The following DRGX variants were observed in gnomAD, a reference collection of about 807,000 sequenced individuals.
The protein encoded by DRGX is dorsal root ganglia homeobox, also known as dorsal root ganglia homeobox protein.
A neutral mutation model predicts 28.6 loss-of-function variants in DRGX; 21 were observed. That is an observed-to-expected ratio of 0.73 (90% CI 0.52 to 1.06). The LOEUF (loss-of-function observed/expected upper bound fraction) is 1.06. Ranked by LOEUF, DRGX falls within the 50% of genes least tolerant of loss-of-function variation. The pLI, the probability that DRGX is intolerant of heterozygous loss-of-function variation, is 0.00. For missense variants in DRGX, 354 were observed against 343.9 expected, an observed-to-expected ratio of 1.03 and a Z score of -0.23; for synonymous variants, 136 against 139.1, an observed-to-expected ratio of 0.98 and a Z score of 0.16.
intron 6 of DRGX, among the ~76,000 whole-genome samples, chr10:49,373,654 C>T (rs1189942643): frequency 6.6e-6 from 1 of 152,180 alleles, no homozygotes; most frequent in South Asian, 2.1e-4. Context: ...ATCCAGTGCC[C>T]TCACAAGACA....
chr10:49,366,191 C>A lies in DRGX; in HGVS notation c.717G>T (p.Lys239Asn). The change falls in exon 7 of 7, where the codon AAG becomes AAT. Residue 239 changes from lysine to asparagine, a missense_variant. Coordinates refer to ENST00000374139, the MANE Select transcript of DRGX (RefSeq NM_001276451.2). ...STSSSPGPVAKPAPPDGSQEK... is the reference protein window; with the variant it reads ...STSSSPGPVANPAPPDGSQEK... ...CCTGGCTGCCATCTGGGGGCGCCGG[C>A]TTGGCGACAGGGCCGGGGCTGCTGC... 6.2e-7 allele frequency: 1 copy of A among 1,613,348 alleles called. No individual in the cohort carries two copies. The highest frequency in any genetic ancestry group is 8.5e-7 in the Non-Finnish European group (1 of 1,179,578).
intron 2 of DRGX, among the ~76,000 whole-genome samples, chr10:49,394,100 C>T (rs540082004): frequency 2.6e-5 from 4 of 152,264 alleles, no homozygotes; most frequent in African/African-American, 7.2e-5. Flanking sequence ...AGGGGATGCA[C>T]GTCTCCCACC....
chr10:49,376,772 T>A (rs552663478), intron 6 of DRGX, among the ~76,000 whole-genome samples: 1 of 152,290 alleles, frequency 6.6e-6, no homozygotes, highest in Admixed American at 6.5e-5. Flanking sequence ...TGTTTCTCTC[T>A]GCCTGGGGGA....
chr10:49,387,073 T>A (rs1288171276), intron 4 of DRGX, among the ~76,000 whole-genome samples: 1 of 152,202 alleles, frequency 6.6e-6, no homozygotes, highest in East Asian at 1.9e-4. Context: ...ATGGAAAGTA[T>A]CCGAATGCCC....
rs1466092044 is a variant in DRGX, at chr10:49,390,136, C to A, written c.231G>T (p.Val77=). ...AMKINLTEAR[V]QVWFQNRRAK... ...AATAATTAAAAAGAAGGTTTACCTGCACTCTGGCTTCTGTGAGGTTTATTT... is the reference window on the plus strand; with the variant it reads ...AATAATTAAAAAGAAGGTTTACCTGAACTCTGGCTTCTGTGAGGTTTATTT... Residue 77 remains valine (V), a synonymous_variant, in exon 4 of 7, where the codon GTG becomes GTT. Coordinates refer to ENST00000374139, the MANE Select transcript of DRGX (RefSeq NM_001276451.2). 1 of 1,609,014 alleles carries A rather than the reference C, an allele frequency of 6.2e-7. No homozygotes were observed. The highest frequency in any genetic ancestry group is 1.3e-5 in the African/African-American group (1 of 74,806).
In DRGX at chr10:49,365,957, G is replaced by T; in HGVS notation, c.*159C>A. 3.6e-6 allele frequency: 3 copies of T among 826,470 alleles called. No homozygotes were observed. The highest frequency in any genetic ancestry group is 5.2e-6 in the Non-Finnish European group (3 of 579,470). 51.2% of individuals were successfully genotyped at this position (826,470 alleles called of 1,614,324 possible). On this transcript the variant is annotated 3_prime_UTR_variant, in exon 7 of 7. Transcript: ENST00000374139. ...GTGGGACTCCAGAGGGACGCTCCAG[G>T]TGCCAAGGGAGCTGTGGGTCTCACT...
chr10:49,387,178 G>T (rs1241977886), intron 4 of DRGX, among the ~76,000 whole-genome samples: 4 of 152,194 alleles, frequency 2.6e-5, no homozygotes, highest in Non-Finnish European at 5.9e-5. Flanking sequence ...CCTACTGGAG[G>T]TGGAGGATCA....
chr10:49,389,450 C>T (rs950360147), intron 4 of DRGX, among the ~76,000 whole-genome samples: 3 of 152,164 alleles, frequency 2.0e-5, no homozygotes, highest in African/African-American at 7.2e-5. Context: ...GAATAGCTCG[C>T]CCAGAGAGGC....
chr10:49,381,119 A>T (rs996506300), intron 6 of DRGX, among the ~76,000 whole-genome samples: 3 of 152,230 alleles, frequency 2.0e-5, no homozygotes, highest in Non-Finnish European at 4.4e-5. Flanking sequence ...CCACTGTGCT[A>T]GTCAGCTGCT....
rs576663852 is a variant in DRGX at position 49,382,626 on chromosome 10, G to A, written c.526+3852C>T. 2.0e-5 allele frequency among the ~76,000 whole-genome samples: 3 copies of A among 152,294 alleles called. No individual in the cohort carries two copies. The South Asian group carries it at 6.2e-4, about 32-fold the overall frequency. On this transcript the variant is annotated intron_variant, in intron 6 of 6. Transcript: ENST00000374139. ...AAACCTAAGAGAAGGAGAAGACTGG[G>A]CTGCAAGAGTCAGAAAGCTGTGCTG...
chr10:49,376,287 T>A (rs1293525728), intron 6 of DRGX, among the ~76,000 whole-genome samples: 2 of 152,202 alleles, frequency 1.3e-5, no homozygotes, highest in Non-Finnish European at 2.9e-5. Flanking sequence ...CAGCTAGGCA[T>A]GGAGGAGCCA....
chr10:49,388,931 C>T (rs117273527), intron 4 of DRGX, among the ~76,000 whole-genome samples: 74 of 152,290 alleles, frequency 4.9e-4, no homozygotes, highest in Admixed American at 1.0e-3. Flanking sequence ...CAACAATTCC[C>T]GGCTTTAATT....
At chr10:49,378,734 C>T (rs1427550453) in intron 6 of DRGX, among the ~76,000 whole-genome samples, 1 of 152,176 alleles carries the variant, frequency 6.6e-6, no homozygotes, top group African/African-American at 2.4e-5. Context: ...TATAGACATG[C>T]TTGTGTACCT....
intron 6 of DRGX, among the ~76,000 whole-genome samples, chr10:49,368,865 T>C (rs1376152929): frequency 6.6e-6 from 1 of 152,258 alleles, no homozygotes; most frequent in Non-Finnish European, 1.5e-5. Context: ...GAAGGAAGGC[T>C]AAAGACAGGC....
intron 6 of DRGX, among the ~76,000 whole-genome samples, chr10:49,367,630 C>G: frequency 6.6e-6 from 1 of 152,136 alleles, no homozygotes; most frequent in East Asian, 1.9e-4. Context: ...CAGGTCAATC[C>G]TTCTCACCCA....
At position 49,384,022 on chromosome 10, in the gene DRGX, C is replaced by T. The variant is rs115284248; in HGVS notation, c.526+2456G>A. Reference sequence around the variant, plus strand: ...TTCCCACGCAGCCACAATCAGCTGGCTGAGCAACGGCTGCCCTTTGAGTGG... The same window carrying T: ...TTCCCACGCAGCCACAATCAGCTGGTTGAGCAACGGCTGCCCTTTGAGTGG... On this transcript the variant is annotated intron_variant, in intron 6 of 6. Coordinates refer to ENST00000374139, the MANE Select transcript of DRGX (RefSeq NM_001276451.2). Among the ~76,000 whole-genome samples the T allele has an allele frequency of 6.1e-3, 929 of 152,376 alleles. 9 individuals are homozygous for T. Among genetic ancestry groups the T allele is most frequent in the African/African-American group, 0.021 (878 of 41,588 alleles).
chr10:49,376,329 C>T (rs61848635), intron 6 of DRGX, among the ~76,000 whole-genome samples: 10,389 of 152,274 alleles, frequency 0.068, 427 homozygotes, highest in Middle Eastern at 0.14. Flanking sequence ...CCATGAGGAA[C>T]GACCACTTCT....
At chr10:49,394,115 C>A (rs1471601978) in intron 2 of DRGX, among the ~76,000 whole-genome samples, 1 of 152,170 alleles carries the variant, frequency 6.6e-6, no homozygotes, top group Admixed American at 6.5e-5. Context: ...CCCACCCTTC[C>A]ATAAAACCCA....
At chr10:49,393,922 A>C (rs1157140760) in intron 2 of DRGX, among the ~76,000 whole-genome samples, 5 of 152,172 alleles carry the variant, frequency 3.3e-5, no homozygotes, top group Non-Finnish European at 5.9e-5. Flanking sequence ...CCGCAGACAG[A>C]CATTCATGAC....
Sources: allele counts gnomAD v4.1 joint callset (sites outside exome capture counted in the v4.1 genomes callset), GRCh38; gene constraint gnomAD v4.1.1; transcripts MANE v1.5; gene names NCBI Gene and HGNC (gene_info 2026-07-23, HGNC 2026-07-21).